ME3: variants seen among roughly 807,000 people sequenced by gnomAD.
The protein encoded by ME3 is NADP-dependent malic enzyme, mitochondrial.
A neutral mutation model predicts 68.9 loss-of-function variants in ME3; 48 were observed. The observed-to-expected ratio is 0.70, with a 90% CI of 0.55 to 0.89. ME3 has a LOEUF of 0.89. ME3 is among the 40% of genes least tolerant of loss of function. The pLI is 0.00. For missense variants in ME3, 675 were observed against 797.4 expected, an observed-to-expected ratio of 0.85 and a Z score of 1.85; for synonymous variants, 320 against 318.8, an observed-to-expected ratio of 1.00 and a Z score of -0.04.
At chr11:86,458,218 T>C (rs7125366) in intron 8 of ME3, among the ~76,000 whole-genome samples, 65,005 of 152,108 alleles carry the variant, frequency 0.43, 14,244 homozygotes, top group South Asian at 0.53. Context: ...GGCTAGGCCT[T>C]GAATAAATAA....
intron 7 of ME3, among the ~76,000 whole-genome samples, chr11:86,475,874 T>TATATAGAGAG: frequency 7.3e-4 from 67 of 91,464 alleles, no homozygotes; most frequent in African/African-American, 2.0e-3. Flanking sequence ...TATATATATA[T>TATATAGAGAG]AGAGAGAGAG....
intron 2 of ME3, among the ~76,000 whole-genome samples, chr11:86,663,189 G>GT (rs1946391307): frequency 6.6e-6 from 1 of 152,208 alleles, no homozygotes; most frequent in African/African-American, 2.4e-5. Flanking sequence ...TCATTCAACT[G>GT]TATCTTCTAA....
At position 86,671,152 on chromosome 11, in the gene ME3, T is replaced by A. The variant is rs537678644; in HGVS notation, c.183+610A>T. On this transcript the variant is annotated intron_variant, in intron 2 of 14. Transcript: ENST00000543262. ...ACTAGCTGGTGACCTTGGGCAAGTT[T>A]CCTTTGTCTTGTTTTTTGTAAAAGA... is the stretch of plus-strand genomic sequence containing the variant. Among the ~76,000 whole-genome samples the A allele has an allele frequency of 5.3e-5, 8 of 152,336 alleles. 1 individual carries two copies. In the South Asian group the frequency reaches 1.7e-3, roughly 32 times the overall value.
intron 4 of ME3, among the ~76,000 whole-genome samples, chr11:86,510,664 C>A (rs999435373): frequency 1.3e-5 from 2 of 152,168 alleles, no homozygotes; most frequent in Non-Finnish European, 2.9e-5. Context: ...CCTCTACTTT[C>A]CAGATACCAA....
At chr11:86,445,805 C>A (rs1034607760) in intron 13 of ME3, among the ~76,000 whole-genome samples, 1 of 152,146 alleles carries the variant, frequency 6.6e-6, no homozygotes, top group South Asian at 2.1e-4. Flanking sequence ...TCCAATACTT[C>A]ATATCAGTGC....
rs907883052 is a variant in ME3 at position 86,593,839 on chromosome 11, CAG to C, written c.184-34018_184-34017del. On this transcript the variant is annotated intron_variant, in intron 2 of 14. Transcript: ENST00000543262. ...TTCAGCCTAAAATGTTATTAAAAAA[CAG>C]AAAAACACAGCAAGCTTTATCTAGT... 2.4e-4 allele frequency among the ~76,000 whole-genome samples: 35 copies of C among 146,364 alleles called. 4 individuals carry two copies. Among genetic ancestry groups the C allele is most frequent in the Non-Finnish European group, 6.0e-5 (4 of 67,082 alleles).
chr11:86,541,668 T>C (rs1280498160), intron 4 of ME3, among the ~76,000 whole-genome samples: 1 of 152,044 alleles, frequency 6.6e-6, no homozygotes, highest in Non-Finnish European at 1.5e-5. Context: ...CAGATAAAAC[T>C]CCCATCTCCC....
chr11:86,671,976 G>A lies in ME3; in HGVS notation c.-14-18C>T. On this transcript the variant is annotated intron_variant, in intron 1 of 14. Transcript: ENST00000543262. ...TGGCAGACCTGGCACGGGAGAGAAA[G>A]CAAGGTCAGGGCCTCCTTCCAGCCA... 1.4e-6 allele frequency: 2 copies of A among 1,380,374 alleles called. No homozygotes were observed. The highest frequency in any genetic ancestry group is 1.9e-6 in the Non-Finnish European group (2 of 1,074,520). The allele number at this position is 1,380,374 out of a possible 1,614,324, so 85.5% of individuals were successfully genotyped here. A position where few individuals can be genotyped will look rare whatever the true frequency, so the allele number is the denominator to read the frequency against.
intron 2 of ME3, among the ~76,000 whole-genome samples, chr11:86,587,208 A>G (rs1199208006): frequency 1.3e-5 from 2 of 152,362 alleles, no homozygotes; most frequent in East Asian, 3.9e-4. Flanking sequence ...GCGGAGGCCC[A>G]GGAGGCATTT....
chr11:86,472,761 G>A (rs1950852263), intron 7 of ME3, among the ~76,000 whole-genome samples: 1 of 152,234 alleles, frequency 6.6e-6, no homozygotes, highest in Admixed American at 6.5e-5. Flanking sequence ...TAGGCACTGA[G>A]TCCTCGGAGG....
intron 4 of ME3, among the ~76,000 whole-genome samples, chr11:86,548,790 G>T (rs773346277): frequency 1.5e-4 from 23 of 152,074 alleles, no homozygotes; most frequent in Non-Finnish European, 2.8e-4. Context: ...AGGGATTATA[G>T]GTCACGCTAC....
intron 7 of ME3, among the ~76,000 whole-genome samples, chr11:86,470,240 A>G (rs556784219): frequency 2.6e-5 from 4 of 152,166 alleles, no homozygotes; most frequent in Non-Finnish European, 5.9e-5. Flanking sequence ...ACCTGCCTCT[A>G]AATAGAATGA....
chr11:86,466,080 A>C (rs1950464853), intron 7 of ME3, among the ~76,000 whole-genome samples: 1 of 152,024 alleles, frequency 6.6e-6, no homozygotes, highest in Non-Finnish European at 1.5e-5. Context: ...AAAATGACTG[A>C]GTTTGTTCGA....
chr11:86,475,120 C>A (rs1950986333), intron 7 of ME3, among the ~76,000 whole-genome samples: 1 of 152,176 alleles, frequency 6.6e-6, no homozygotes, highest in Non-Finnish European at 1.5e-5. Context: ...CCAGCCAAAT[C>A]TCATACTGAA....
At chr11:86,492,232 G>A (rs571511454) in intron 6 of ME3, among the ~76,000 whole-genome samples, 3 of 152,312 alleles carry the variant, frequency 2.0e-5, no homozygotes, top group East Asian at 1.9e-4. Flanking sequence ...TCATTCATCC[G>A]CATCTCCCCA....
intron 4 of ME3, among the ~76,000 whole-genome samples, chr11:86,553,511 G>T (rs1179365220): frequency 6.6e-6 from 1 of 152,192 alleles, no homozygotes; most frequent in Admixed American, 6.5e-5. Context: ...TTTCCCCCAG[G>T]AGCAAGGCAG....
At chr11:86,610,667 G>C (rs944834055) in intron 2 of ME3, among the ~76,000 whole-genome samples, 1 of 151,008 alleles carries the variant, frequency 6.6e-6, no homozygotes, top group Non-Finnish European at 1.5e-5. Flanking sequence ...CTGTGGGGTT[G>C]GGGGGTGGCT....
At chr11:86,655,267 C>CA (rs1945781114) in intron 2 of ME3, among the ~76,000 whole-genome samples, 1 of 151,942 alleles carries the variant, frequency 6.6e-6, no homozygotes. Flanking sequence ...CATATGGAAC[C>CA]AAAAAAGAGC....
chr11:86,528,036 C>T (rs1440719088), intron 4 of ME3, among the ~76,000 whole-genome samples: 1 of 152,154 alleles, frequency 6.6e-6, no homozygotes, highest in Non-Finnish European at 1.5e-5. Context: ...GGACTAAATG[C>T]TCCAATTAAA....
Sources: allele counts gnomAD v4.1 joint callset (sites outside exome capture counted in the v4.1 genomes callset), GRCh38; gene constraint gnomAD v4.1.1; transcripts MANE v1.5; gene names NCBI Gene and HGNC (gene_info 2026-07-23, HGNC 2026-07-21).